The following VGLL4 variants were observed in gnomAD, a reference collection of about 807,000 sequenced individuals.
VGLL4 encodes vestigial like family member 4.
A neutral mutation model predicts 21.0 loss-of-function variants in VGLL4; 7 were observed. The observed-to-expected ratio is 0.33, with a 90% CI of 0.19 to 0.63. The LOEUF (loss-of-function observed/expected upper bound fraction) is 0.63, where lower values mean the gene tolerates loss of function less well. Ranked by LOEUF, VGLL4 falls within the 20% of genes least tolerant of loss-of-function variation. The pLI, the probability that VGLL4 is intolerant of heterozygous loss-of-function variation, is 0.78. For synonymous variants in VGLL4, 222 were observed against 173.2 expected, an observed-to-expected ratio of 1.28 and a Z score of -2.21; for missense variants, 394 against 425.7, an observed-to-expected ratio of 0.93 and a Z score of 0.66.
chr3:11,655,972 G>A lies in VGLL4; in HGVS notation c.64+46999C>T, dbSNP rs555376050. Among the ~76,000 whole-genome samples the A allele has an allele frequency of 3.3e-5, 5 of 152,338 alleles. No homozygotes were observed. In the East Asian group the frequency reaches 7.7e-4, roughly 24 times the overall value. ...TTGAAAGAACAAATGGGAAGGGAGA[G>A]CTCCAGAATCTAAGCTGGGAACAGA... On this transcript the variant is annotated intron_variant, in intron 2 of 5. Transcript: ENST00000273038.
chr3:11,574,785 ATGTGTGTGTGTGTGTGTGTGTGTGTG>A (rs375691226), intron 2 of VGLL4, among the ~76,000 whole-genome samples: 18 of 121,780 alleles, frequency 1.5e-4, no homozygotes, highest in African/African-American at 4.1e-4. Context: ...TCAACTATAT[ATGTGTGTGTGTGTGTGTGTGTGTGTG>A]TGTGTGTGTG....
At chr3:11,622,154 C>T (rs1413373701) in intron 1 of VGLL4, among the ~76,000 whole-genome samples, 2 of 152,082 alleles carry the variant, frequency 1.3e-5, no homozygotes, top group Non-Finnish European at 2.9e-5. Context: ...AACAAGAAAC[C>T]TTTACAAAAA....
At chr3:11,612,332 G>A (rs367881905) in intron 1 of VGLL4, 99 of 152,234 alleles carry the variant, frequency 6.5e-4, no homozygotes, top group African/African-American at 2.2e-3. Flanking sequence ...GATAGACTAT[G>A]TAACACTGCA....
chr3:11,566,959 G>A (rs2073561781), intron 2 of VGLL4, among the ~76,000 whole-genome samples: 1 of 152,144 alleles, frequency 6.6e-6, no homozygotes, highest in African/African-American at 2.4e-5. Context: ...AACTGTGGGT[G>A]GGCAGAATCA....
At chr3:11,590,450 T>TA (rs1221660672) in intron 2 of VGLL4, among the ~76,000 whole-genome samples, 3 of 152,140 alleles carry the variant, frequency 2.0e-5, no homozygotes, top group Non-Finnish European at 4.4e-5. Context: ...CAAGAGGTAG[T>TA]ATAAGAAGTT....
intron 2 of VGLL4, among the ~76,000 whole-genome samples, chr3:11,579,186 T>C (rs1435445422): frequency 7.5e-6 from 1 of 134,048 alleles, no homozygotes; most frequent in Non-Finnish European, 1.6e-5. Context: ...TTTCCAAAAC[T>C]AGGGGGAAAG....
rs986844025 is a variant in VGLL4 at position 11,589,882 on chromosome 3, C to G, written c.272+11951G>C. Among the ~76,000 whole-genome samples, 28 of 152,308 alleles carry G rather than the reference C, an allele frequency of 1.8e-4. 1 individual carries two copies. The East Asian group carries it at 3.5e-3, about 19-fold the overall frequency. On this transcript the variant is annotated intron_variant, in intron 2 of 4. Transcript: ENST00000430365. ...CCTCATGACCTCATGAAACCCTCAT[C>G]ACCTCCCAAAGGCTTCATCTCTAAA...
intron 2 of VGLL4, among the ~76,000 whole-genome samples, chr3:11,593,862 C>CT (rs995871022): frequency 3.9e-5 from 6 of 152,210 alleles, no homozygotes; most frequent in Non-Finnish European, 7.3e-5. Context: ...TGGGCCCTTC[C>CT]TCGTTCATTA....
upstream of VGLL4, among the ~76,000 whole-genome samples, chr3:11,647,571 A>G (rs781767054): frequency 1.3e-5 from 2 of 152,220 alleles, no homozygotes; most frequent in Admixed American, 6.5e-5. Context: ...AAATGCTCCA[A>G]TATGAGCATT....
chr3:11,631,607 A>G (rs917340550), intron 1 of VGLL4, among the ~76,000 whole-genome samples: 4 of 152,212 alleles, frequency 2.6e-5, no homozygotes, highest in Admixed American at 6.5e-5. Flanking sequence ...CGTAACTGCT[A>G]TAAAGTAAGA....
intron 1 of VGLL4, among the ~76,000 whole-genome samples, chr3:11,614,966 C>A (rs1311837780): frequency 6.6e-6 from 1 of 152,172 alleles, no homozygotes; most frequent in Non-Finnish European, 1.5e-5. Context: ...ATTCTCTTTA[C>A]CTTGATTCAC....
At chr3:11,608,047 T>C (rs923952741) in intron 1 of VGLL4, among the ~76,000 whole-genome samples, 2 of 152,212 alleles carry the variant, frequency 1.3e-5, no homozygotes, top group Non-Finnish European at 2.9e-5. Context: ...GGAACTTATC[T>C]TGGGAGTGCA....
chr3:11,703,128 G>A (rs2076707251), intron 1 of VGLL4: 3 of 1,231,810 alleles, frequency 2.4e-6, no homozygotes, highest in Admixed American at 4.8e-5. Context: ...TTAACAGAAT[G>A]AGTCCTCAAC....
chr3:11,695,694 T>C (rs1335736208), intron 2 of VGLL4, among the ~76,000 whole-genome samples: 1 of 151,734 alleles, frequency 6.6e-6, no homozygotes, highest in East Asian at 1.9e-4. Flanking sequence ...GGACCTGATG[T>C]CAGATGCACC....
chr3:11,662,030 G>A (rs985743772), intron 2 of VGLL4, among the ~76,000 whole-genome samples: 2 of 152,220 alleles, frequency 1.3e-5, no homozygotes, highest in Admixed American at 6.5e-5. Flanking sequence ...GCTCAAGAAG[G>A]AGCACATGAC....
At chr3:11,689,153 T>A (rs35925402) in intron 2 of VGLL4, among the ~76,000 whole-genome samples, 18,077 of 152,228 alleles carry the variant, frequency 0.12, 1,213 homozygotes, top group Admixed American at 0.21. Context: ...AGTTTTCTTC[T>A]TTCTGCTTTG....
rs1037785746 is a variant in VGLL4 at position 11,643,907 on chromosome 3, G to A, written c.-389C>T. 3.9e-6 allele frequency: 4 copies of A among 1,023,290 alleles called. No individual in the cohort carries two copies. Among genetic ancestry groups the A allele is most frequent in the Admixed American group, 5.4e-5 (1 of 18,680 alleles). 63.4% of individuals were successfully genotyped at this position (1,023,290 alleles called of 1,614,324 possible). A position where few individuals can be genotyped will look rare whatever the true frequency, so the allele number is the denominator to read the frequency against. ...CGCTGCAAGCCGGCAGCGCTGACATGAGGGCTATGCTTGGCATGACTCCTA... is the reference window on the plus strand; with the variant it reads ...CGCTGCAAGCCGGCAGCGCTGACATAAGGGCTATGCTTGGCATGACTCCTA... On this transcript the variant is annotated 5_prime_UTR_variant, in exon 1 of 5. Coordinates refer to ENST00000430365, the MANE Select transcript of VGLL4 (RefSeq NM_001128219.3).
intron 2 of VGLL4, among the ~76,000 whole-genome samples, chr3:11,672,648 A>G (rs954639601): frequency 6.6e-6 from 1 of 152,246 alleles, no homozygotes; most frequent in African/African-American, 2.4e-5. Context: ...AAGGACTTTC[A>G]AACAGCTTTC....
At chr3:11,629,615 C>G (rs1477679589) in intron 1 of VGLL4, among the ~76,000 whole-genome samples, 1 of 152,034 alleles carries the variant, frequency 6.6e-6, no homozygotes, top group East Asian at 1.9e-4. Context: ...GTTGTGGTGG[C>G]AAGCGCCTGT....
Sources: gnomAD v4.1 joint callset for allele counts (sites outside exome capture counted in the v4.1 genomes callset) on GRCh38, gnomAD v4.1.1 for gene constraint, MANE v1.5 for transcripts, NCBI Gene and HGNC (gene_info 2026-07-23, HGNC 2026-07-21) for gene names.